Variants in TENM4 observed in about 807,000 individuals in gnomAD.
TENM4 encodes the protein teneurin transmembrane protein 4, also known as teneurin-4.
Under a neutral mutation model 243.3 loss-of-function variants are expected in TENM4, and 82 were observed. The observed-to-expected ratio is 0.34, with a 90% CI of 0.28 to 0.40. The LOEUF is 0.40. TENM4 is among the 10% of genes least tolerant of loss of function. The pLI, the probability that TENM4 is intolerant of heterozygous loss-of-function variation, is 1.00. For synonymous variants in TENM4, 1,412 were observed against 1,456.3 expected (o/e 0.97, Z 0.69); for missense variants, 3,138 against 3,673.3 (o/e 0.85, Z 3.77).
intron 1 of TENM4, among the ~76,000 whole-genome samples, chr11:79,372,428 G>C (rs943460347): frequency 4.6e-5 from 7 of 152,196 alleles, no homozygotes; most frequent in African/African-American, 1.7e-4. Flanking sequence ...AGAAGAACCA[G>C]GGCTCTCCCT....
intron 6 of TENM4, among the ~76,000 whole-genome samples, chr11:79,026,077 C>G (rs1387042354): frequency 6.6e-6 from 1 of 152,162 alleles, no homozygotes; most frequent in Non-Finnish European, 1.5e-5. Flanking sequence ...GTGATCACAG[C>G]ATGTGTGAGC....
chr11:78,677,838 A>G (rs144588085), intron 29 of TENM4, among the ~76,000 whole-genome samples: 2,530 of 145,698 alleles, frequency 0.017, 79 homozygotes, highest in African/African-American at 0.061. Context: ...TTAGTTACAT[A>G]TGTATACATG....
intron 9 of TENM4, among the ~76,000 whole-genome samples, chr11:78,866,361 C>A (rs536188336): frequency 6.6e-6 from 1 of 151,426 alleles, no homozygotes; most frequent in East Asian, 1.9e-4. Context: ...ATTAACTAAT[C>A]CCAGAATGAA....
intron 22 of TENM4, among the ~76,000 whole-genome samples, chr11:78,727,648 T>C (rs1244418585): frequency 5.9e-5 from 9 of 152,176 alleles, no homozygotes; most frequent in Non-Finnish European, 1.2e-4. Flanking sequence ...GGAAGTTACT[T>C]TGAGGTTTCA....
intron 4 of TENM4, among the ~76,000 whole-genome samples, chr11:79,111,203 A>G (rs1271611422): frequency 6.6e-6 from 1 of 152,004 alleles, no homozygotes; most frequent in Non-Finnish European, 1.5e-5. Flanking sequence ...TTCGCCTTCC[A>G]CCATAATTGT....
intron 17 of TENM4, among the ~76,000 whole-genome samples, chr11:78,772,268 T>A (rs1856661075): frequency 6.6e-6 from 1 of 152,124 alleles, no homozygotes; most frequent in Non-Finnish European, 1.5e-5. Context: ...GAAATCTACG[T>A]TTGAGAATAT....
chr11:79,399,161 A>AT (rs781506223), intron 1 of TENM4, among the ~76,000 whole-genome samples: 1 of 152,184 alleles, frequency 6.6e-6, no homozygotes, highest in African/African-American at 2.4e-5. Context: ...GATTCCCAGC[A>AT]TTTTTTGTGC....
chr11:79,319,422 G>A (rs770310510), intron 1 of TENM4, among the ~76,000 whole-genome samples: 46 of 152,278 alleles, frequency 3.0e-4, no homozygotes, highest in Admixed American at 6.5e-4. Flanking sequence ...TAAGGGAAGT[G>A]TTTAAATGAA....
At chr11:79,280,861 G>A (rs1856145772) in intron 2 of TENM4, among the ~76,000 whole-genome samples, 1 of 152,126 alleles carries the variant, frequency 6.6e-6, no homozygotes, top group East Asian at 1.9e-4. Context: ...GCTCCCTTAG[G>A]GAAGCCCAAA....
rs572901031 is a variant in TENM4 at position 79,316,931 on chromosome 11, G to T, written c.-320-19388C>A. Among the ~76,000 whole-genome samples, 15 of 152,352 alleles carry T rather than the reference G, an allele frequency of 9.8e-5. No homozygotes were observed. The East Asian group carries it at 2.9e-3, about 29-fold the overall frequency. On this transcript the variant is annotated intron_variant, in intron 1 of 33. Coordinates refer to ENST00000278550, the MANE Select transcript of TENM4 (RefSeq NM_001098816.3). ...AAGGGGTGACAGAACAAAATGTCAAGAGTAGAAGTGACTCTGTGATTTTTC... is the reference window on the plus strand; with the variant it reads ...AAGGGGTGACAGAACAAAATGTCAATAGTAGAAGTGACTCTGTGATTTTTC...
At chr11:79,243,145 CT>C (rs1333707926) in intron 2 of TENM4, among the ~76,000 whole-genome samples, 1 of 152,050 alleles carries the variant, frequency 6.6e-6, no homozygotes, top group Non-Finnish European at 1.5e-5. Context: ...TGAGGGGGGC[CT>C]TGTGTGCTCC....
intron 3 of TENM4, among the ~76,000 whole-genome samples, chr11:79,196,992 G>A (rs1355729531): frequency 6.6e-5 from 10 of 152,184 alleles, no homozygotes; most frequent in Admixed American, 6.5e-4. Context: ...AGGGTTAAGA[G>A]GTTTTCAGCA....
At chr11:79,294,575 G>C (rs180968427) in intron 2 of TENM4, among the ~76,000 whole-genome samples, 1 of 152,008 alleles carries the variant, frequency 6.6e-6, no homozygotes, top group East Asian at 1.9e-4. Flanking sequence ...GGGGCCAGGC[G>C]CGGTGGCTTG....
chr11:78,754,754 C>T (rs373614152), intron 19 of TENM4, among the ~76,000 whole-genome samples: 5 of 152,138 alleles, frequency 3.3e-5, no homozygotes, highest in East Asian at 1.9e-4. Flanking sequence ...CTCCTCACTC[C>T]GGCTCTGCCA....
At chr11:79,124,953 C>T (rs1861841349) in intron 4 of TENM4, among the ~76,000 whole-genome samples, 1 of 148,392 alleles carries the variant, frequency 6.7e-6, no homozygotes, top group African/African-American at 2.5e-5. Flanking sequence ...TTAGTTCTGT[C>T]CCTCTAGAAA....
At chr11:79,150,761 C>A (rs958081121) in intron 3 of TENM4, among the ~76,000 whole-genome samples, 2 of 152,138 alleles carry the variant, frequency 1.3e-5, no homozygotes, top group Non-Finnish European at 2.9e-5. Context: ...TTCTCTGACT[C>A]CTTCACAAAT....
chr11:79,327,210 GATA>G lies in TENM4; in HGVS notation c.-320-29670_-320-29668del, dbSNP rs1213018761. 1.4e-4 allele frequency among the ~76,000 whole-genome samples: 21 copies of G among 152,188 alleles called. 1 individual carries two copies. Among genetic ancestry groups the G allele is most frequent in the African/African-American group, 5.1e-4 (21 of 41,454 alleles). ...GACAATTTTAAGTGCCATAGAAATA[GATA>G]ATTTTAATGGATACAGTATTTCTAC... On this transcript the variant is annotated intron_variant, in intron 1 of 33. Coordinates refer to ENST00000278550, the MANE Select transcript of TENM4 (RefSeq NM_001098816.3).
At chr11:78,809,344 G>C (rs890237840) in intron 14 of TENM4, among the ~76,000 whole-genome samples, 80 of 152,190 alleles carry the variant, frequency 5.3e-4, no homozygotes, top group African/African-American at 1.7e-3. Flanking sequence ...TTTTAAGGAA[G>C]ACTGCATCTC....
chr11:79,402,583 C>A (rs186729249), intron 1 of TENM4, among the ~76,000 whole-genome samples: 286 of 152,284 alleles, frequency 1.9e-3, no homozygotes, highest in Non-Finnish European at 3.6e-3. Context: ...AGTGCAAGCA[C>A]ACACCTACAT....
Sources: gnomAD v4.1 joint callset for allele counts (sites outside exome capture counted in the v4.1 genomes callset) on GRCh38, gnomAD v4.1.1 for gene constraint, MANE v1.5 for transcripts, NCBI Gene and HGNC (gene_info 2026-07-23, HGNC 2026-07-21) for gene names.